Variants in BEST4 observed in about 807,000 individuals in gnomAD.
BEST4 encodes bestrophin 4.
Under a neutral mutation model 47.1 loss-of-function variants are expected in BEST4, and 36 were observed. The observed-to-expected ratio is 0.76, with a 90% CI of 0.59 to 1.01. The LOEUF (loss-of-function observed/expected upper bound fraction) is 1.01. Ranked by LOEUF, BEST4 falls within the 50% of genes least tolerant of loss-of-function variation. BEST4 has a pLI of 0.00. For synonymous variants in BEST4, 250 were observed against 277.8 expected (o/e 0.90, Z 1.00); for missense variants, 550 against 648.6 (o/e 0.85, Z 1.65).
upstream of BEST4, among the ~76,000 whole-genome samples, chr1:44,789,231 GC>G (rs1298727895): frequency 3.0e-5 from 4 of 134,374 alleles, no homozygotes; most frequent in Non-Finnish European, 6.2e-5. Flanking sequence ...CTGCACTCTA[GC>G]CTGGGTAATC....
upstream of BEST4, among the ~76,000 whole-genome samples, chr1:44,790,798 G>T (rs1263908736): frequency 2.6e-5 from 4 of 151,392 alleles, no homozygotes; most frequent in Non-Finnish European, 2.9e-5. Flanking sequence ...TATAGTCCAG[G>T]TACTTGGGAG....
Position 44,784,835 on chromosome 1 carries a change from C to T in BEST4, c.994-52G>A, listed in dbSNP as rs765967549. On this transcript the variant is annotated intron_variant, in intron 7 of 8. Coordinates refer to ENST00000372207, the MANE Select transcript of BEST4 (RefSeq NM_153274.3). This position sits in a 1 kb window ranked among gnomAD's most constrained non-coding sequence, Gnocchi z 6.2. ...CCTCCTCTCCTCTCCTTCCCACGGC[C>T]GGGCTGAGAGCTGACCGGGAGAGGG... 9 of 1,606,072 alleles carry T rather than the reference C, an allele frequency of 5.6e-6. No homozygotes were observed. Among genetic ancestry groups the T allele is most frequent in the Non-Finnish European group, 6.0e-6 (7 of 1,175,478 alleles).
At chr1:44,790,488 C>T (rs1224973803), upstream of BEST4, among the ~76,000 whole-genome samples, 11 of 152,118 alleles carry the variant, frequency 7.2e-5, no homozygotes, top group Non-Finnish European at 1.6e-4. Flanking sequence ...ATGATCTTCC[C>T]CAGGTTACTC....
chr1:44,785,719 G>A, intron 4 of BEST4, 43 bp from the exon 5 acceptor site: 1 of 1,507,996 alleles, frequency 6.6e-7, no homozygotes, highest in Non-Finnish European at 9.0e-7. Flanking sequence ...AGGTGAGGAA[G>A]GAACAGGGGT....
intron 5 of BEST4, 132 bp from the exon 6 acceptor site, chr1:44,785,437 G>T: frequency 1.6e-6 from 2 of 1,234,458 alleles, no homozygotes; most frequent in Non-Finnish European, 2.2e-6. Flanking sequence ...TACCAGTGGG[G>T]ACAGGGTCAC....
Position 44,784,381 on chromosome 1 carries a change from G to T in BEST4, c.1251C>A (p.Gly417=), listed in dbSNP as rs1402581838. Reference sequence around the variant, plus strand: ...TGATGGCCGGGGAGGGCGCCCCTACGCCCAGGAAGCGGCCGAGCAACGGGG... The same window carrying T: ...TGATGGCCGGGGAGGGCGCCCCTACTCCCAGGAAGCGGCCGAGCAACGGGG... ...AQTPLLGRFL[G]VGAPSPAISL... The change falls in exon 9 of 9, where the codon GGC becomes GGA. Residue 417 remains glycine (G), a synonymous_variant. Coordinates refer to ENST00000372207, the MANE Select transcript of BEST4 (RefSeq NM_153274.3). This position sits in a 1 kb window ranked among gnomAD's most constrained non-coding sequence, Gnocchi z 6.2. 7.1e-7 allele frequency: 1 copy of T among 1,399,012 alleles called. No individual in the cohort carries two copies. Among genetic ancestry groups the T allele is most frequent in the Non-Finnish European group, 9.2e-7 (1 of 1,088,388 alleles). The allele number at this position is 1,399,012 out of a possible 1,614,324, so 86.7% of individuals were successfully genotyped here. A position where few individuals can be genotyped will look rare whatever the true frequency, so the allele number is the denominator to read the frequency against.
chr1:44,785,919 T>C (rs1651201097), intron 4 of BEST4, among the ~76,000 whole-genome samples, 155 bp downstream of exon 4: 1 of 152,134 alleles, frequency 6.6e-6, no homozygotes, highest in African/African-American at 2.4e-5. Context: ...ATGTCAAGAG[T>C]TGCTGTAAGG....
downstream of BEST4, chr1:44,783,527 A>G (rs896994818): frequency 5.9e-5 from 9 of 152,192 alleles, no homozygotes; most frequent in African/African-American, 2.2e-4. Context: ...AATTTTAAAC[A>G]ATTATAACTG....
upstream of BEST4, among the ~76,000 whole-genome samples, chr1:44,791,810 C>T (rs544252766): frequency 3.3e-5 from 5 of 152,264 alleles, no homozygotes; most frequent in South Asian, 1.0e-3. Context: ...CCCCTCCTCA[C>T]AGCTGAGAAG....
downstream of BEST4, among the ~76,000 whole-genome samples, chr1:44,783,287 C>T (rs1651095733): frequency 6.6e-6 from 1 of 152,172 alleles, no homozygotes; most frequent in Admixed American, 6.5e-5. Flanking sequence ...CAGCCGAGTG[C>T]CCCCAGCGCT....
Position 44,787,382 on chromosome 1 carries a change from G to C in BEST4, c.237C>G (p.Ser79=), listed in dbSNP as rs374657428. The part of the protein sequence containing the change: ...CNRSADLIPL[S]FVLGFYVTLV... ...AGAAGGGAGCCTTACCCAATACAAA[G>C]GACAAGGGAATGAGGTCTGCTGAGC... Residue 79 remains serine, a synonymous_variant, in exon 2 of 9, where the codon TCC becomes TCG. Coordinates refer to ENST00000372207, the MANE Select transcript of BEST4 (RefSeq NM_153274.3). 1.5e-5 allele frequency: 24 copies of C among 1,614,002 alleles called. No homozygotes were observed. Among genetic ancestry groups the C allele is most frequent in the Non-Finnish European group, 2.0e-5 (24 of 1,180,000 alleles).
In BEST4 at chr1:44,788,164, A is replaced by T. The variant is rs1287696143; in HGVS notation, c.-459T>A. 6.6e-6 allele frequency among the ~76,000 whole-genome samples: 1 copy of T among 152,196 alleles called. No homozygotes were observed. Among genetic ancestry groups the T allele is most frequent in the Admixed American group, 6.5e-5 (1 of 15,286 alleles). ...CTCTGGGCAGCAGCCCGTGTGGAAG[A>T]TGAACTGGGCTAGACTTCAACCCCC... On this transcript the variant is annotated 5_prime_UTR_variant, in exon 1 of 9. Coordinates refer to ENST00000372207, the MANE Select transcript of BEST4 (RefSeq NM_153274.3).
chr1:44,791,816 A>T (rs1382770734), upstream of BEST4, among the ~76,000 whole-genome samples: 1 of 151,990 alleles, frequency 6.6e-6, no homozygotes, highest in African/African-American at 2.4e-5. Context: ...CTCACAGCTG[A>T]GAAGTGGTTA....
Position 44,786,440 on chromosome 1 carries a change from G to A in BEST4, c.481+23C>T. 1 of 1,495,010 alleles carries A rather than the reference G, an allele frequency of 6.7e-7. No individual in the cohort carries two copies. Among genetic ancestry groups the A allele is most frequent in the Non-Finnish European group, 8.9e-7 (1 of 1,121,056 alleles). The allele number at this position is 1,495,010 out of a possible 1,614,324, so 92.6% of individuals were successfully genotyped here. Reference sequence around the variant, plus strand: ...CATCCGGCTGTGGGCCGGACCCCCAGAGGCTCCCGGCGGGCGGCGCACCTG... The same window carrying A: ...CATCCGGCTGTGGGCCGGACCCCCAAAGGCTCCCGGCGGGCGGCGCACCTG... On this transcript the variant is annotated intron_variant, in intron 3 of 8. Coordinates refer to ENST00000372207, the MANE Select transcript of BEST4 (RefSeq NM_153274.3). This position sits in a 1 kb window ranked among gnomAD's most constrained non-coding sequence, Gnocchi z 4.9.
In BEST4 at chr1:44,786,211, C is replaced by G; in HGVS notation, c.499G>C (p.Glu167Gln). 1 of 1,613,278 alleles carries G rather than the reference C, an allele frequency of 6.2e-7. No homozygotes were observed. The highest frequency in any genetic ancestry group is 8.5e-7 in the Non-Finnish European group (1 of 1,179,640). The part of the protein sequence containing the change: ...VVDAGFMSQE[E>Q]RKKFESLKSD... ...TTCAGGCTCTCAAACTTTTTCCTCTCTTCCTGGGACATGAAACCTGAGGGG... is the reference window on the plus strand; with the variant it reads ...TTCAGGCTCTCAAACTTTTTCCTCTGTTCCTGGGACATGAAACCTGAGGGG... Residue 167 changes from glutamate (E) to glutamine (Q), a missense_variant, in exon 4 of 9, where the codon GAG (glutamate) becomes CAG (glutamine). Physicochemically the swap from Glu to Gln is conservative, Grantham distance 29. Coordinates refer to ENST00000372207, the MANE Select transcript of BEST4 (RefSeq NM_153274.3). The surrounding 1 kb of genome is among the most constrained non-coding windows in gnomAD (Gnocchi z 4.9).
rs1006790021 is a variant in BEST4 at position 44,783,662 on chromosome 1, A to T, written c.*548T>A. ...AAACAAGGCAAAAGTCCCCCAGCAC[A>T]CACTGACCCTTCTTTTGAGTAAGGT... On this transcript the variant is annotated 3_prime_UTR_variant, in exon 9 of 9. Coordinates refer to ENST00000372207, the MANE Select transcript of BEST4 (RefSeq NM_153274.3). The T allele has an allele frequency of 6.6e-6, 1 of 152,568 alleles. No homozygotes were observed. Among genetic ancestry groups the T allele is most frequent in the Non-Finnish European group, 1.5e-5 (1 of 68,312 alleles). The allele number at this position is 152,568 out of a possible 1,614,324, so 9.5% of individuals were successfully genotyped here. A position where few individuals can be genotyped will look rare whatever the true frequency, so the allele number is the denominator to read the frequency against.
downstream of BEST4, among the ~76,000 whole-genome samples, chr1:44,782,836 A>G (rs1651083252): frequency 6.6e-6 from 1 of 152,020 alleles, no homozygotes; most frequent in African/African-American, 2.4e-5. Flanking sequence ...CTTAATATTC[A>G]GTTTTGGCCT....
intron 4 of BEST4, 88 bp from the exon 5 acceptor site, chr1:44,785,764 G>A: frequency 8.5e-7 from 1 of 1,176,706 alleles, no homozygotes; most frequent in Admixed American, 2.1e-5. Flanking sequence ...CTGGCCAGGA[G>A]GCTCTTTCTC....
In BEST4 at chr1:44,787,429, G is replaced by A. The variant is rs138830699; in HGVS notation, c.190C>T (p.Gln64Ter). 206 of 1,614,164 alleles carry A rather than the reference G, an allele frequency of 1.3e-4. No individual in the cohort carries two copies. The highest frequency in any genetic ancestry group is 1.5e-4 in the Non-Finnish European group (180 of 1,180,028). The part of the protein sequence containing the change: ...LTQEQRYVYA[Q>*]VARYCNRSAD... ...GAGCGGTTGCAGTACCGGGCCACCT[G>A]AGCATACACGTACCTCTGCTCCTGG... Residue 64 changes from glutamine (Q) to a stop codon, truncating the protein, a stop_gained, in exon 2 of 9, where the codon CAG becomes TAG. Transcript: ENST00000372207. LOFTEE classifies it high-confidence loss of function.
Sources: allele counts gnomAD v4.1 joint callset (sites outside exome capture counted in the v4.1 genomes callset), GRCh38; gene constraint gnomAD v4.1.1; non-coding constraint Gnocchi (gnomAD v3.1); transcripts MANE v1.5; gene names NCBI Gene and HGNC (gene_info 2026-07-23, HGNC 2026-07-21).